The following PSD3 variants were observed in gnomAD, a reference collection of about 807,000 sequenced individuals.
PSD3 encodes PH and SEC7 domain-containing protein 3.
Under a neutral mutation model 105.5 loss-of-function variants are expected in PSD3, and 49 were observed. The ratio of observed to expected loss-of-function variants is 0.46; its 90% CI spans 0.37 to 0.59. The LOEUF (loss-of-function observed/expected upper bound fraction) is 0.59. Ranked by LOEUF, PSD3 falls within the 20% of genes least tolerant of loss-of-function variation. PSD3 has a pLI of 0.00. For missense variants in PSD3, 1,561 were observed against 1,263.8 expected (o/e 1.24, Z -3.57); for synonymous variants, 557 against 457.8 (o/e 1.22, Z -2.77).
intron 3 of PSD3, among the ~76,000 whole-genome samples, chr8:18,870,554 TG>T (rs1344933271): frequency 6.6e-6 from 1 of 151,832 alleles, no homozygotes; most frequent in African/African-American, 2.4e-5. Flanking sequence ...AAGGGAGGGA[TG>T]GCATTAGGAG....
At chr8:18,541,899 C>T (rs367680782) in intron 15 of PSD3, among the ~76,000 whole-genome samples, 10 of 151,966 alleles carry the variant, frequency 6.6e-5, no homozygotes, top group East Asian at 3.9e-4. Context: ...TACAGGTATG[C>T]GCGCCACCAC....
chr8:18,913,076 C>T (rs1311166565), intron 2 of PSD3, among the ~76,000 whole-genome samples: 1 of 134,086 alleles, frequency 7.5e-6, no homozygotes, highest in Non-Finnish European at 1.6e-5. Context: ...TAAACACACA[C>T]ACACACACAA....
intron 1 of PSD3, among the ~76,000 whole-genome samples, chr8:18,967,976 C>T (rs773998092): frequency 2.5e-4 from 38 of 152,152 alleles, no homozygotes; most frequent in Non-Finnish European, 4.3e-4. Flanking sequence ...AGCAAAAGAT[C>T]CAAACCTAAA....
chr8:18,699,514 G>A (rs919423797), intron 9 of PSD3, among the ~76,000 whole-genome samples: 1 of 152,136 alleles, frequency 6.6e-6, no homozygotes, highest in Non-Finnish European at 1.5e-5. Context: ...AATTCATAGA[G>A]TGTAGTGAAA....
chr8:18,744,984 G>T (rs1402977571), intron 9 of PSD3, among the ~76,000 whole-genome samples: 1 of 152,140 alleles, frequency 6.6e-6, no homozygotes, highest in African/African-American at 2.4e-5. Context: ...GTTTTCTCAT[G>T]TTTACAATGA....
intron 14 of PSD3, 26 bp from the exon 15 acceptor site, chr8:18,556,378 G>C: frequency 1.9e-6 from 3 of 1,582,864 alleles, no homozygotes; most frequent in Non-Finnish European, 2.6e-6. Context: ...ATGCCATTTA[G>C]CGTTCAAAAA....
intron 12 of PSD3, among the ~76,000 whole-genome samples, chr8:18,593,426 A>G (rs551791346): frequency 1.1e-4 from 16 of 152,348 alleles, no homozygotes; most frequent in Admixed American, 3.3e-4. Flanking sequence ...ACAATGAGAT[A>G]TCATCTCACA....
chr8:19,075,624 C>A (rs1318513186), intron 1 of PSD3, among the ~76,000 whole-genome samples: 1 of 152,206 alleles, frequency 6.6e-6, no homozygotes, highest in African/African-American at 2.4e-5. Context: ...TCTCTTCTGA[C>A]TCAATGGAAT....
chr8:18,761,111 G>A (rs1033442408), intron 9 of PSD3, among the ~76,000 whole-genome samples: 2 of 152,134 alleles, frequency 1.3e-5, no homozygotes, highest in African/African-American at 2.4e-5. Flanking sequence ...CACTAAAAAC[G>A]CAAATCAAAC....
intron 2 of PSD3, among the ~76,000 whole-genome samples, chr8:18,929,383 C>G (rs1260314210): frequency 6.6e-6 from 1 of 152,138 alleles, no homozygotes; most frequent in Non-Finnish European, 1.5e-5. Flanking sequence ...GTTGGCAGGT[C>G]TCCAGATCTG....
chr8:19,013,976 A>C (rs1199380905), upstream of PSD3: 1 of 151,976 alleles, frequency 6.6e-6, no homozygotes, highest in Non-Finnish European at 1.5e-5. Flanking sequence ...CTCGCAGTGC[A>C]GCCCTCGAGC....
Position 18,531,128 on chromosome 8 carries a change from T to C in PSD3, c.*4615A>G, listed in dbSNP as rs757768347. ...ATGACTGACATACTGCCTGTAAGAA[T>C]AGTCTCCAAAAGCCTGCAATACTAC... is the stretch of plus-strand genomic sequence containing the variant. On this transcript the variant is annotated 3_prime_UTR_variant, in exon 16 of 16. Coordinates refer to ENST00000327040, the MANE Select transcript of PSD3 (RefSeq NM_015310.4). 24 of 152,612 alleles carry C rather than the reference T, an allele frequency of 1.6e-4. No individual in the cohort carries two copies. The highest frequency in any genetic ancestry group is 2.6e-4 in the Admixed American group (4 of 15,282). The allele number at this position is 152,612 out of a possible 1,614,324, so 9.5% of individuals were successfully genotyped here.
At chr8:19,082,326 T>C (rs1206707712) in intron 1 of PSD3, among the ~76,000 whole-genome samples, 1 of 152,196 alleles carries the variant, frequency 6.6e-6, no homozygotes, top group South Asian at 2.1e-4. Flanking sequence ...CTACCTGGTG[T>C]CTCACTGATT....
intron 12 of PSD3, among the ~76,000 whole-genome samples, chr8:18,587,668 G>T (rs1803291227): frequency 6.6e-6 from 1 of 152,032 alleles, no homozygotes; most frequent in Admixed American, 6.6e-5. Flanking sequence ...ATGCTTAGGG[G>T]GCCTTCTTCA....
intron 9 of PSD3, among the ~76,000 whole-genome samples, chr8:18,743,158 G>T (rs1210218214): frequency 6.6e-6 from 1 of 152,106 alleles, no homozygotes; most frequent in Non-Finnish European, 1.5e-5. Context: ...CCCTTTGAAG[G>T]TTCACTGAAA....
intron 12 of PSD3, among the ~76,000 whole-genome samples, chr8:18,590,409 T>C (rs1803513394): frequency 6.6e-6 from 1 of 152,154 alleles, no homozygotes; most frequent in African/African-American, 2.4e-5. Context: ...AGGACATGTG[T>C]TCGTGGACAA....
At chr8:18,928,568 T>C (rs1821524708) in intron 2 of PSD3, among the ~76,000 whole-genome samples, 1 of 152,170 alleles carries the variant, frequency 6.6e-6, no homozygotes, top group South Asian at 2.1e-4. Flanking sequence ...GTCATAACAA[T>C]GATTCCATTT....
intron 10 of PSD3, among the ~76,000 whole-genome samples, chr8:18,639,537 G>C (rs1462395733): frequency 6.6e-6 from 1 of 152,100 alleles, no homozygotes; most frequent in Non-Finnish European, 1.5e-5. Context: ...ATTAAAGAGT[G>C]GGCCCTAATC....
At chr8:19,060,612 C>A (rs905676756) in intron 1 of PSD3, among the ~76,000 whole-genome samples, 1 of 152,166 alleles carries the variant, frequency 6.6e-6, no homozygotes, top group Non-Finnish European at 1.5e-5. Flanking sequence ...CCAGCCTGGG[C>A]AACAGAGTGA....
Sources: allele counts gnomAD v4.1 joint callset (sites outside exome capture counted in the v4.1 genomes callset), GRCh38; gene constraint gnomAD v4.1.1; transcripts MANE v1.5; gene names NCBI Gene and HGNC (gene_info 2026-07-23, HGNC 2026-07-21).